UHRF2: variants seen among roughly 807,000 people sequenced by gnomAD.
UHRF2 encodes the protein ubiquitin like with PHD and ring finger domains 2.
In UHRF2, 23 loss-of-function variants were observed where a neutral mutation model predicts 96.8. The observed-to-expected ratio is 0.24, with a 90% CI of 0.17 to 0.34. UHRF2 has a LOEUF of 0.34. Among genes scored for constraint, UHRF2 ranks in the 10% least tolerant of loss-of-function variants. The pLI, the probability that UHRF2 is intolerant of heterozygous loss-of-function variation, is 1.00. For synonymous variants in UHRF2, 385 were observed against 332.6 expected, an observed-to-expected ratio of 1.16 and a Z score of -1.72; for missense variants, 685 against 981.5, an observed-to-expected ratio of 0.70 and a Z score of 4.04.
chr9:6,474,990 T>C (rs895562030), intron 4 of UHRF2, among the ~76,000 whole-genome samples: 2 of 152,184 alleles, frequency 1.3e-5, no homozygotes, highest in South Asian at 2.1e-4. Flanking sequence ...ATAAAAGAAA[T>C]GTTAAAATTC....
rs1171172143 is a variant in UHRF2 at position 6,428,533 on chromosome 9, CTTTTTTTTTTTTTTTTTTTTTTTTTTT to C, written c.385-5369_385-5343del. 5.4e-3 allele frequency among the ~76,000 whole-genome samples: 355 copies of C among 65,432 alleles called. 3 individuals are homozygous for C. The highest frequency in any genetic ancestry group is 0.021 in the African/African-American group (313 of 15,012). The allele number at this position is 65,432 out of a possible 152,430, so 42.9% of individuals were successfully genotyped here. A position where few individuals can be genotyped will look rare whatever the true frequency, so the allele number is the denominator to read the frequency against. On this transcript the variant is annotated intron_variant, in intron 2 of 15. Transcript: ENST00000276893. ...TGTAAATGGAACCATATTGCTTTTG[CTTTTTTTTTTTTTTTTTTTTTTTTTTT>C]TTTTTTTTTTTGAACGATCTCATTC...
Position 6,413,388 on chromosome 9 carries a change from G to T in UHRF2, c.-103G>T. ...CGGTGGGCGCGCTCGCCCGCCTGCCGCTGAGGGCCCGAGCCGCAGGGAAAG... is the reference window on the plus strand; with the variant it reads ...CGGTGGGCGCGCTCGCCCGCCTGCCTCTGAGGGCCCGAGCCGCAGGGAAAG... On this transcript the variant is annotated 5_prime_UTR_variant, in exon 1 of 16. Transcript: ENST00000276893. The T allele has an allele frequency of 8.5e-7, 1 of 1,176,738 alleles. No homozygotes were observed. The allele number at this position is 1,176,738 out of a possible 1,614,324, so 72.9% of individuals were successfully genotyped here.
intron 1 of UHRF2, among the ~76,000 whole-genome samples, chr9:6,417,695 A>G (rs1411863120): frequency 6.6e-6 from 1 of 152,246 alleles, no homozygotes; most frequent in African/African-American, 2.4e-5. Flanking sequence ...AGCCTGTCAT[A>G]GCAAGCATGA....
chr9:6,416,848 G>A (rs1423577205), intron 1 of UHRF2, among the ~76,000 whole-genome samples: 2 of 152,126 alleles, frequency 1.3e-5, no homozygotes, highest in Non-Finnish European at 2.9e-5. Context: ...AGAATCCAGA[G>A]CTTTTCCTAT....
intron 6 of UHRF2, among the ~76,000 whole-genome samples, chr9:6,479,660 T>C (rs1040310701): frequency 1.2e-4 from 18 of 152,204 alleles, no homozygotes; most frequent in Non-Finnish European, 2.6e-4. Context: ...GACCACAAAA[T>C]TAGTCCAGAT....
chr9:6,481,630 T>C lies in UHRF2; in HGVS notation c.1161-13T>C. On this transcript the variant is annotated splice_polypyrimidine_tract_variant and intron_variant, in intron 6 of 15. Transcript: ENST00000276893. ...ATTGTGAAAATGCCTTCGTTCTTTT[T>C]TTTCTTTTAAAGGTATTGTCCTTCT... 6.2e-7 allele frequency: 1 copy of C among 1,605,118 alleles called. No homozygotes were observed. Among genetic ancestry groups the C allele is most frequent in the Non-Finnish European group, 8.5e-7 (1 of 1,177,612 alleles).
rs139370657 is a variant in UHRF2 at position 6,445,601 on chromosome 9, A to T, written c.644+11428A>T. On this transcript the variant is annotated intron_variant, in intron 3 of 15. Transcript: ENST00000276893. ...GAGACAGGGTCTTACTGTGTCACAC[A>T]GGTTGGAGTGCAGTGGCACAACCAC... Among the ~76,000 whole-genome samples the T allele has an allele frequency of 3.0e-4, 46 of 152,302 alleles. No homozygotes were observed. In the East Asian group the frequency reaches 8.5e-3, roughly 28 times the overall value.
chr9:6,493,087 C>A (rs1416817387), intron 9 of UHRF2, among the ~76,000 whole-genome samples: 2 of 151,830 alleles, frequency 1.3e-5, no homozygotes, highest in Non-Finnish European at 2.9e-5. Flanking sequence ...CACTTGAGAC[C>A]GGGAGTTGGA....
intron 2 of UHRF2, among the ~76,000 whole-genome samples, chr9:6,425,699 G>T (rs147715587): frequency 6.6e-6 from 1 of 152,116 alleles, no homozygotes; most frequent in Non-Finnish European, 1.5e-5. Context: ...GGAAGCAGAG[G>T]TTACGGGGAG....
chr9:6,424,453 A>T (rs1396188554), intron 2 of UHRF2, among the ~76,000 whole-genome samples: 1 of 152,186 alleles, frequency 6.6e-6, no homozygotes, highest in African/African-American at 2.4e-5. Context: ...CCACCTTTTA[A>T]ATACCAATAC....
At chr9:6,481,793 C>T (rs777082435) in intron 7 of UHRF2, 27 bp downstream of exon 7, 1 of 1,598,394 alleles carries the variant, frequency 6.3e-7, no homozygotes, top group Non-Finnish European at 8.5e-7. Context: ...CCTTTTCTTC[C>T]TAATAGCAAG....
intron 8 of UHRF2, among the ~76,000 whole-genome samples, chr9:6,483,168 T>C (rs1406983376): frequency 6.6e-6 from 1 of 151,506 alleles, no homozygotes; most frequent in Non-Finnish European, 1.5e-5. Context: ...CTACTAAAAA[T>C]ACAAAAATCA....
chr9:6,444,920 A>G (rs1012966699), intron 3 of UHRF2, among the ~76,000 whole-genome samples: 1 of 152,050 alleles, frequency 6.6e-6, no homozygotes, highest in African/African-American at 2.4e-5. Context: ...TGCTTTTCAA[A>G]GAGGTACCAC....
rs995898243 is a variant in UHRF2, at chr9:6,450,377, T to C, written c.645-10196T>C. On this transcript the variant is annotated intron_variant, in intron 3 of 15. Transcript: ENST00000276893. ...ATTTTCTCAGTCTGGATTTTACTGATCACATTCCTGTAGTGATATTTGACA... is the reference window on the plus strand; with the variant it reads ...ATTTTCTCAGTCTGGATTTTACTGACCACATTCCTGTAGTGATATTTGACA... 3.4e-5 allele frequency among the ~76,000 whole-genome samples: 5 copies of C among 147,092 alleles called. No individual in the cohort carries two copies. The Admixed American group carries it at 3.5e-4, about 10-fold the overall frequency.
At position 6,506,239 on chromosome 9, in the gene UHRF2, G is replaced by C; in HGVS notation, c.*60G>C. On this transcript the variant is annotated 3_prime_UTR_variant, in exon 16 of 16. Coordinates refer to ENST00000276893, the MANE Select transcript of UHRF2 (RefSeq NM_152896.3). The stretch of plus-strand genomic sequence containing the variant: ...TTTTGGACAATAAAGAATCTAAAAT[G>C]GGTGGGGAGGGTGGAAGAAATGGTG... The C allele has an allele frequency of 2.5e-6, 4 of 1,587,016 alleles. No homozygotes were observed. The South Asian group carries it at 3.5e-5, about 14-fold the overall frequency.
chr9:6,470,728 A>G (rs1341935190), intron 4 of UHRF2, among the ~76,000 whole-genome samples: 1 of 152,216 alleles, frequency 6.6e-6, no homozygotes, highest in African/African-American at 2.4e-5. Flanking sequence ...TAGTGAAAGT[A>G]AAATTTAAAG....
chr9:6,503,934 A>G (rs1322819169), intron 14 of UHRF2, among the ~76,000 whole-genome samples: 2 of 147,386 alleles, frequency 1.4e-5, no homozygotes, highest in Admixed American at 6.8e-5. Context: ...ACTAATGTGT[A>G]TGGAATGGGA....
intron 8 of UHRF2, among the ~76,000 whole-genome samples, chr9:6,485,803 CA>C (rs57868028): frequency 2.2e-3 from 132 of 59,210 alleles, no homozygotes; most frequent in South Asian, 4.3e-3. Flanking sequence ...TGTCTCTACC[CA>C]AAAAAAAAAA....
intron 12 of UHRF2, 30 bp downstream of exon 12, chr9:6,498,188 G>T: frequency 6.2e-7 from 1 of 1,604,420 alleles, no homozygotes; most frequent in Non-Finnish European, 8.5e-7. Flanking sequence ...GGCTGCCTGT[G>T]TGTTCATAAA....
Sources: gnomAD v4.1 joint callset for allele counts (sites outside exome capture counted in the v4.1 genomes callset) on GRCh38, gnomAD v4.1.1 for gene constraint, MANE v1.5 for transcripts, NCBI Gene and HGNC (gene_info 2026-07-23, HGNC 2026-07-21) for gene names.